CELA3B: variants seen among roughly 807,000 people sequenced by gnomAD.
CELA3B encodes the protein chymotrypsin like elastase 3B, also known as chymotrypsin-like elastase family member 3B.
Under a neutral mutation model 37.2 loss-of-function variants are expected in CELA3B, and 34 were observed. The observed-to-expected ratio is 0.91, with a 90% confidence interval of 0.70 to 1.22. The LOEUF is 1.22. CELA3B is among the 50% of genes most tolerant of loss of function. The pLI is 0.00. For synonymous variants in CELA3B, 127 were observed against 143.5 expected, an observed-to-expected ratio of 0.89 and a Z score of 0.82; for missense variants, 340 against 363.1, an observed-to-expected ratio of 0.94 and a Z score of 0.52.
chr1:21,986,460 C>A, intron 6 of CELA3B, 71 bp from the exon 7 acceptor site: 1 of 1,574,340 alleles, frequency 6.4e-7, no homozygotes, highest in East Asian at 2.3e-5. Flanking sequence ...TCTCGAAATC[C>A]CTAGAATTCA....
chr1:21,978,403 C>T lies in CELA3B; in HGVS notation c.78C>T (p.Ser26=). Residue 26 remains serine (S), a synonymous_variant, in exon 2 of 8, where the codon TCC becomes TCT. Transcript: ENST00000337107. ...ATGGCCCACCTTCCTCTCGCCCTTC[C>T]AGCCGCGTTGTCAATGGTGAGGATG... ...SGYGPPSSRP[S]SRVVNGEDAV... is the part of the protein sequence containing the mutation. 1.2e-6 allele frequency: 2 copies of T among 1,614,134 alleles called. No homozygotes were observed. The highest frequency in any genetic ancestry group is 1.7e-6 in the Non-Finnish European group (2 of 1,179,954).
intron 5 of CELA3B, 119 bp from the exon 6 acceptor site, chr1:21,984,070 C>A: frequency 7.5e-7 from 1 of 1,329,538 alleles, no homozygotes; most frequent in Non-Finnish European, 1.0e-6. Context: ...GACCATTTAG[C>A]GGGTGGGAGG....
At chr1:21,988,095 C>G (rs147748078) in intron 7 of CELA3B, among the ~76,000 whole-genome samples, 5,326 of 150,598 alleles carry the variant, frequency 0.035, 179 homozygotes, top group African/African-American at 0.048. Flanking sequence ...GCCTGTGGTC[C>G]CAGCTACTCA....
At chr1:21,979,456 T>C (rs1226740946) in intron 2 of CELA3B, among the ~76,000 whole-genome samples, 3 of 129,280 alleles carry the variant, frequency 2.3e-5, no homozygotes, top group Non-Finnish European at 4.8e-5. Context: ...TTCTTTTCTT[T>C]TTTTTTTTTT....
chr1:21,987,162 A>G (rs2152816941), intron 7 of CELA3B, among the ~76,000 whole-genome samples: 1 of 151,600 alleles, frequency 6.6e-6, no homozygotes, highest in East Asian at 1.9e-4. Context: ...AGAAAAAAAA[A>G]AAGAGTAATA....
At chr1:21,990,026 G>C (rs1298246010), downstream of CELA3B, among the ~76,000 whole-genome samples, 3 of 151,206 alleles carry the variant, frequency 2.0e-5, no homozygotes, top group African/African-American at 7.4e-5. Context: ...GGAAGCAAGG[G>C]ACCTTCTTTA....
At chr1:21,997,350 C>CAAAA (rs34966019) in intron 4 of CELA3B, among the ~76,000 whole-genome samples, 1 of 117,310 alleles carries the variant, frequency 8.5e-6, no homozygotes, top group Non-Finnish European at 1.7e-5. Context: ...CGACTCATCT[C>CAAAA]AAAAAAAAAA....
downstream of CELA3B, among the ~76,000 whole-genome samples, chr1:21,992,384 A>G (rs1401249737): frequency 6.6e-6 from 1 of 151,848 alleles, no homozygotes; most frequent in Non-Finnish European, 1.5e-5. Flanking sequence ...AGCCTGGACA[A>G]CATAGTGAGA....
rs148634740 is a variant in CELA3B at position 21,986,591 on chromosome 1, G to A, written c.703G>A (p.Val235Met). Residue 235 changes from valine to methionine, a missense_variant, in exon 7 of 8, where the codon GTG becomes ATG. Coordinates refer to ENST00000337107, the MANE Select transcript of CELA3B (RefSeq NM_007352.4). Reference sequence around the variant, plus strand: ...GGATGGTGGCTGGCAGGTCCATGGCGTGACCAGCTTTGTTTCTGCCTTTGG... The same window carrying A: ...GGATGGTGGCTGGCAGGTCCATGGCATGACCAGCTTTGTTTCTGCCTTTGG... The part of the protein sequence containing the change: ...TEDGGWQVHG[V>M]TSFVSAFGCN... 1.5e-5 allele frequency: 25 copies of A among 1,613,940 alleles called. No homozygotes were observed. The highest frequency in any genetic ancestry group is 8.3e-5 in the Admixed American group (5 of 59,976).
downstream of CELA3B, among the ~76,000 whole-genome samples, chr1:21,991,988 T>C (rs1184156319): frequency 2.7e-5 from 4 of 147,834 alleles, no homozygotes; most frequent in East Asian, 6.1e-4. Context: ...GGTGTGGTGG[T>C]GGGTGCCTGT....
intron 7 of CELA3B, among the ~76,000 whole-genome samples, chr1:21,988,980 C>T (rs1347925269): frequency 6.8e-6 from 1 of 146,584 alleles, no homozygotes; most frequent in Non-Finnish European, 1.5e-5. Context: ...TATATATATA[C>T]ACACACACAC....
At chr1:21,984,718 G>A (rs565033152) in intron 6 of CELA3B, among the ~76,000 whole-genome samples, 4 of 152,240 alleles carry the variant, frequency 2.6e-5, no homozygotes, top group Non-Finnish European at 2.9e-5. Context: ...AGGCCAAGGC[G>A]TGTGGATCAC....
At chr1:21,982,992 G>A (rs1644814019) in intron 4 of CELA3B, among the ~76,000 whole-genome samples, 2 of 152,212 alleles carry the variant, frequency 1.3e-5, no homozygotes, top group Admixed American at 1.3e-4. Flanking sequence ...AAGGGTCAAA[G>A]GAGCGGACAA....
downstream of CELA3B, among the ~76,000 whole-genome samples, chr1:21,991,494 C>A (rs1176382246): frequency 6.6e-6 from 1 of 150,968 alleles, no homozygotes; most frequent in Non-Finnish European, 1.5e-5. Flanking sequence ...TGCCACCACG[C>A]TCAGCTAATT....
rs1431575496 is a variant in CELA3B, at chr1:21,983,756, C to T, written c.425C>T (p.Ala142Val). ...CAGCTGGGAGACGCCGTCCAGCTCG[C>T]CTCACTCCCTCCGGCTGGTGACATC... Reference protein sequence around the residue: ...SAQLGDAVQLASLPPAGDILP... With the variant: ...SAQLGDAVQLVSLPPAGDILP... Residue 142 changes from alanine to valine, a missense_variant, in exon 5 of 8, where the codon GCC becomes GTC. Ala to Val is a moderately conservative substitution (Grantham distance 64). Coordinates refer to ENST00000337107, the MANE Select transcript of CELA3B (RefSeq NM_007352.4). The T allele has an allele frequency of 1.9e-6, 3 of 1,614,016 alleles. No homozygotes were observed. In the African/African-American group the frequency reaches 4.0e-5, roughly 22 times the overall value.
At chr1:21,984,654 GTTATAATTA>G (rs1644827432) in intron 6 of CELA3B, among the ~76,000 whole-genome samples, 1 of 152,134 alleles carries the variant, frequency 6.6e-6, no homozygotes, top group Admixed American at 6.6e-5. Context: ...TGGTTCTAAA[GTTATAATTA>G]TGGCTGGGCA....
intron 4 of CELA3B, among the ~76,000 whole-genome samples, chr1:21,982,015 G>A (rs562682747): frequency 1.2e-4 from 18 of 152,162 alleles, no homozygotes; most frequent in Admixed American, 2.0e-4. Context: ...ATGAGCCACC[G>A]CGCCCTGCCA....
At chr1:21,987,659 T>C (rs1323185110) in intron 7 of CELA3B, 1 of 150,550 alleles carries the variant, frequency 6.6e-6, no homozygotes, top group African/African-American at 2.5e-5. Flanking sequence ...TAAGGAGGGG[T>C]GAACTGTCCC....
chr1:21,978,794 T>C (rs1644786615), intron 2 of CELA3B, among the ~76,000 whole-genome samples: 1 of 152,190 alleles, frequency 6.6e-6, no homozygotes. Flanking sequence ...AACAGGGCTA[T>C]GGGGTCTGAA....
Sources: gnomAD v4.1 joint callset for allele counts (sites outside exome capture counted in the v4.1 genomes callset) on GRCh38, gnomAD v4.1.1 for gene constraint, MANE v1.5 for transcripts, NCBI Gene and HGNC (gene_info 2026-07-23, HGNC 2026-07-21) for gene names.